Variants in DNAH2 observed in about 807,000 individuals in gnomAD.
The protein encoded by DNAH2 is dynein axonemal heavy chain 2.
A neutral mutation model predicts 523.5 loss-of-function variants in DNAH2; 323 were observed. The ratio of observed to expected loss-of-function variants is 0.62; its 90% CI spans 0.56 to 0.68. DNAH2 has a LOEUF of 0.68. DNAH2 is among the 30% of genes least tolerant of loss of function. The probability of loss-of-function intolerance (pLI) is 0.00; values close to 1 mark genes in which losing one functional copy is unlikely to be tolerated. For missense variants in DNAH2, 4,907 were observed against 5,701.5 expected, an observed-to-expected ratio of 0.86 and a Z score of 4.49; for synonymous variants, 2,093 against 2,177.4, an observed-to-expected ratio of 0.96 and a Z score of 1.08.
chr17:7,823,996 C>A lies in DNAH2; in HGVS notation c.11478+14C>A. The stretch of plus-strand genomic sequence containing the variant: ...AATATGAAGTCGGTCGGTGGCTCGG[C>A]TTCCTTGTCCCCACGGCCCATGGGT... On this transcript the variant is annotated intron_variant, in intron 75 of 85. Coordinates refer to ENST00000572933, the MANE Select transcript of DNAH2 (RefSeq NM_020877.5). 6.2e-7 allele frequency: 1 copy of A among 1,608,880 alleles called. No individual in the cohort carries two copies.
intron 44 of DNAH2, 102 bp from the exon 45 acceptor site, chr17:7,791,815 G>A (rs550065749): frequency 2.7e-6 from 3 of 1,129,724 alleles, no homozygotes; most frequent in South Asian, 1.7e-5. Context: ...AGCCAGGGAA[G>A]GAGGAAGACC....
chr17:7,786,997 C>T lies in DNAH2; in HGVS notation c.6567C>T (p.Thr2189=). ...TCATGGACGATAACAAGGTGTTGAC[C>T]CTCATCAACGGCGAGCGCATCGCGA... ...NSVMDDNKVL[T]LINGERIAMP... Residue 2189 remains threonine, a synonymous_variant, in exon 42 of 86, where the codon ACC becomes ACT. Coordinates refer to ENST00000572933, the MANE Select transcript of DNAH2 (RefSeq NM_020877.5). This position sits in a 1 kb window ranked among gnomAD's most constrained non-coding sequence, Gnocchi z 7.5. The T allele has an allele frequency of 6.2e-7, 1 of 1,614,202 alleles. No individual in the cohort carries two copies. Among genetic ancestry groups the T allele is most frequent in the Non-Finnish European group, 8.5e-7 (1 of 1,180,040 alleles).
Position 7,763,417 on chromosome 17 carries a change from A to T in DNAH2, c.2979-414A>T, listed in dbSNP as rs1296255755. Among the ~76,000 whole-genome samples, 11 of 152,140 alleles carry T rather than the reference A, an allele frequency of 7.2e-5. No homozygotes were observed. In the South Asian group the frequency reaches 2.3e-3, roughly 32 times the overall value. ...GGCCTCGGCCTCCCAAAGTGCTAGG[A>T]TTACAGGCGTGAGCCACTGTGCCTG... On this transcript the variant is annotated intron_variant, in intron 18 of 85. Transcript: ENST00000572933.
In DNAH2 at chr17:7,734,592, C is replaced by T. The variant is rs746619839; in HGVS notation, c.862C>T (p.Leu288=). 1.6e-5 allele frequency: 26 copies of T among 1,613,484 alleles called. No homozygotes were observed. Among genetic ancestry groups the T allele is most frequent in the Admixed American group, 3.3e-5 (2 of 59,858 alleles). Residue 288 remains leucine, a synonymous_variant, in exon 7 of 86, where the codon CTG becomes TTG. Coordinates refer to ENST00000572933, the MANE Select transcript of DNAH2 (RefSeq NM_020877.5). ...GTTCTGGCGCAACCGATGCATGGAC[C>T]TGTCTGGCATCAGTAAGCAGCTGGT... ...IEFWRNRCMD[L]SGISKQLVKK... is the part of the protein sequence containing the mutation.
chr17:7,830,614 G>A, intron 78 of DNAH2, 44 bp from the exon 79 acceptor site: 2 of 1,611,328 alleles, frequency 1.2e-6, no homozygotes, highest in Non-Finnish European at 1.7e-6. Flanking sequence ...CAGATTTCCT[G>A]CCATAACTCT....
In DNAH2 at chr17:7,817,886, C is replaced by A. The variant is rs564113606; in HGVS notation, c.10236+30C>A. The A allele has an allele frequency of 3.7e-6, 6 of 1,614,020 alleles. No individual in the cohort carries two copies. The Admixed American group carries it at 5.0e-5, about 13-fold the overall frequency. ...GAGGCTGGGGGGTCAGGTTAGCCCCCCCCTTCCTGAGGCCCCACCTCTCCC... is the reference window on the plus strand; with the variant it reads ...GAGGCTGGGGGGTCAGGTTAGCCCCACCCTTCCTGAGGCCCCACCTCTCCC... On this transcript the variant is annotated intron_variant, in intron 67 of 85. Coordinates refer to ENST00000572933, the MANE Select transcript of DNAH2 (RefSeq NM_020877.5).
chr17:7,811,149 T>G (rs948644892), intron 63 of DNAH2, among the ~76,000 whole-genome samples: 1 of 152,214 alleles, frequency 6.6e-6, no homozygotes, highest in African/African-American at 2.4e-5. Context: ...ATTCAGATTT[T>G]TTTCCCATTT....
At chr17:7,825,833 C>T (rs1226433164) in intron 77 of DNAH2, among the ~76,000 whole-genome samples, 1 of 152,228 alleles carries the variant, frequency 6.6e-6, no homozygotes, top group Non-Finnish European at 1.5e-5. Flanking sequence ...ATAATAGCAA[C>T]TCGTTTCACA....
At chr17:7,796,781 T>A in intron 50 of DNAH2, 129 bp downstream of exon 50, 1 of 1,064,254 alleles carries the variant, frequency 9.4e-7, no homozygotes, top group Non-Finnish European at 1.3e-6. Context: ...AGTGCCACAC[T>A]CCCTGGCCTT....
In DNAH2 at chr17:7,831,289, C is replaced by T. The variant is rs773252424; in HGVS notation, c.12434C>T (p.Ala4145Val). 1 of 1,614,136 alleles carries T rather than the reference C, an allele frequency of 6.2e-7. No homozygotes were observed. Among genetic ancestry groups the T allele is most frequent in the Non-Finnish European group, 8.5e-7 (1 of 1,180,040 alleles). ...SLQPQITPTR[A>V]GGQTREEKVL... is the part of the protein sequence containing the mutation. Reference sequence around the variant, plus strand: ...CAACCTCAGATTACACCCACCAGGGCTGGAGGCCAGACCCGGGAAGAGAAG... The same window carrying T: ...CAACCTCAGATTACACCCACCAGGGTTGGAGGCCAGACCCGGGAAGAGAAG... Residue 4145 changes from alanine to valine, a missense_variant, in exon 80 of 86, where the codon GCT becomes GTT. Ala to Val is a moderately conservative substitution (Grantham distance 64, BLOSUM62 0). This residue lies in a region of DNAH2 where 1,851 missense variants were observed against 2,139.4 expected (regional missense o/e 0.87). Transcript: ENST00000572933. This position sits in a 1 kb window ranked among gnomAD's most constrained non-coding sequence, Gnocchi z 4.2.
rs1431376087 is a variant in DNAH2 at position 7,832,898 on chromosome 17, G to A, written c.12948G>A (p.Val4316=). ...CCTGGGAGTTTATCGTTTCCACTGT[G>A]GATGACAGCAACCTAGTGTATCCCC... ...SLSWEFIVST[V]DDSNLVYPPK... Residue 4316 remains valine, a synonymous_variant, in exon 84 of 86, where the codon GTG becomes GTA. Coordinates refer to ENST00000572933, the MANE Select transcript of DNAH2 (RefSeq NM_020877.5). The surrounding 1 kb of genome is among the most constrained non-coding windows in gnomAD (Gnocchi z 4.3). 4 of 1,614,192 alleles carry A rather than the reference G, an allele frequency of 2.5e-6. No homozygotes were observed. The highest frequency in any genetic ancestry group is 3.4e-6 in the Non-Finnish European group (4 of 1,180,034).
In DNAH2 at chr17:7,833,529, G is replaced by A. The variant is rs1473481811; in HGVS notation, c.13280G>A (p.Ser4427Asn). 2 of 1,613,632 alleles carry A rather than the reference G, an allele frequency of 1.2e-6. No homozygotes were observed. The highest frequency in any genetic ancestry group is 1.7e-6 in the Non-Finnish European group (2 of 1,179,996). The change falls in exon 86 of 86, where the codon AGC (serine) becomes AAC (asparagine). Residue 4427 changes from serine (S) to asparagine (N), a missense_variant. Physicochemically the swap from Ser to Asn is conservative, Grantham distance 46. Coordinates refer to ENST00000572933, the MANE Select transcript of DNAH2 (RefSeq NM_020877.5). Reference protein sequence around the residue: ...RGTALLMSLDS With the variant: ...RGTALLMSLDN ...ACTGCTCTACTCATGAGCCTGGACAGCTGAGACCTCCTCCTCTTCTCCGCT... is the reference window on the plus strand; with the variant it reads ...ACTGCTCTACTCATGAGCCTGGACAACTGAGACCTCCTCCTCTTCTCCGCT...
chr17:7,823,424 C>T lies in DNAH2; in HGVS notation c.11143-18C>T, dbSNP rs1439177328. The T allele has an allele frequency of 6.2e-7, 1 of 1,611,466 alleles. No individual in the cohort carries two copies. The highest frequency in any genetic ancestry group is 8.5e-7 in the Non-Finnish European group (1 of 1,178,972). On this transcript the variant is annotated intron_variant, in intron 73 of 85. Transcript: ENST00000572933. ...TATTCCCAAGTCAATCCCTTTCTTC[C>T]TCCCCTTCTCCCACCAGGTCTTGGA...
chr17:7,786,877 A>G lies in DNAH2; in HGVS notation c.6467-20A>G, dbSNP rs1304521237. ...AGGTGAGCGGCTCCCCGGTTTCCTC[A>G]TCACCCACCATCTACTCAGATGAGA... On this transcript the variant is annotated intron_variant, in intron 41 of 85. Transcript: ENST00000572933. The surrounding 1 kb of genome is among the most constrained non-coding windows in gnomAD (Gnocchi z 7.5). 1 of 1,614,126 alleles carries G rather than the reference A, an allele frequency of 6.2e-7. No homozygotes were observed. Among genetic ancestry groups the G allele is most frequent in the East Asian group, 2.2e-5 (1 of 44,882 alleles).
rs963528662 is a variant in DNAH2 at position 7,818,775 on chromosome 17, C to T, written c.10669C>T (p.Arg3557Trp). The change falls in exon 70 of 86, where the codon CGG (arginine) becomes TGG (tryptophan). Residue 3557 changes from arginine to tryptophan, a missense_variant and splice_region_variant. This residue lies in a region of DNAH2 where 1,851 missense variants were observed against 2,139.4 expected (regional missense o/e 0.87). Transcript: ENST00000572933. ...KLKELEDEIL[R>W]LLNEATGSLL... ...CAAGGAGCTGGAGGATGAGATCCTG[C>T]GGTGAGGCCCTGCCTTCCCCTCCCA... 13 of 1,613,886 alleles carry T rather than the reference C, an allele frequency of 8.1e-6. No individual in the cohort carries two copies. Among genetic ancestry groups the T allele is most frequent in the African/African-American group, 4.0e-5 (3 of 74,888 alleles).
At chr17:7,782,460 C>T (rs998465362) in intron 39 of DNAH2, among the ~76,000 whole-genome samples, 12 of 152,048 alleles carry the variant, frequency 7.9e-5, no homozygotes, top group African/African-American at 2.7e-4. Flanking sequence ...TTGTTAGTGC[C>T]CCCAGGTGAC....
intron 8 of DNAH2, chr17:7,739,029 G>A (rs1195807146): frequency 2.8e-6 from 2 of 702,200 alleles, no homozygotes; most frequent in South Asian, 1.5e-5. Flanking sequence ...GAAGACTGAA[G>A]AACCAAAAGC....
At chr17:7,804,919 G>A in intron 59 of DNAH2, 39 bp from the exon 60 acceptor site, 1 of 1,577,182 alleles carries the variant, frequency 6.3e-7, no homozygotes, top group Non-Finnish European at 8.7e-7. Context: ...CTTTGCCCAA[G>A]GCAAAGACAA....
intron 56 of DNAH2, among the ~76,000 whole-genome samples, chr17:7,800,662 C>T (rs535186042): frequency 1.3e-5 from 2 of 149,984 alleles, no homozygotes; most frequent in East Asian, 4.2e-4. Context: ...GTCAGGAGAT[C>T]GAGACCATCC....
Sources: gnomAD v4.1 joint callset for allele counts (sites outside exome capture counted in the v4.1 genomes callset) on GRCh38, gnomAD v4.1.1 for gene constraint, gnomAD v4.1.1 regional missense constraint, Gnocchi (gnomAD v3.1) non-coding constraint, MANE v1.5 for transcripts, NCBI Gene and HGNC (gene_info 2026-07-23, HGNC 2026-07-21) for gene names.